SHANK2: variants seen among roughly 807,000 people sequenced by gnomAD.
SHANK2 encodes SH3 and multiple ankyrin repeat domains 2, also known as SH3 and multiple ankyrin repeat domains protein 2.
In SHANK2, 43 loss-of-function variants were observed where a neutral mutation model predicts 133.7. The observed-to-expected ratio is 0.32, with a 90% CI of 0.25 to 0.41. The LOEUF is 0.41. Among genes scored for constraint, SHANK2 ranks in the 10% least tolerant of loss-of-function variants. The pLI is 1.00. For synonymous variants in SHANK2, 1,017 were observed against 952.8 expected (o/e 1.07, Z -1.24); for missense variants, 1,994 against 2,235.8 (o/e 0.89, Z 2.18).
intron 14 of SHANK2, among the ~76,000 whole-genome samples, chr11:70,795,249 A>T (rs920806216): frequency 6.6e-6 from 1 of 152,060 alleles, no homozygotes; most frequent in Non-Finnish European, 1.5e-5. Flanking sequence ...CCAGGTCCTA[A>T]TCCCTAGAAC....
chr11:70,802,468 C>A (rs1327801370), intron 13 of SHANK2, among the ~76,000 whole-genome samples: 3 of 152,214 alleles, frequency 2.0e-5, no homozygotes, highest in Admixed American at 2.0e-4. Flanking sequence ...GGTACAGAAA[C>A]CTGCCAGGTC....
intron 3 of SHANK2, among the ~76,000 whole-genome samples, chr11:71,133,235 T>TG (rs1555104000): frequency 5.7e-5 from 8 of 141,008 alleles, no homozygotes; most frequent in Non-Finnish European, 7.7e-5. Flanking sequence ...GATGCACAGA[T>TG]GAATGGATGG....
intron 11 of SHANK2, among the ~76,000 whole-genome samples, chr11:70,852,220 G>T (rs887656325): frequency 3.0e-4 from 45 of 152,218 alleles, no homozygotes; most frequent in African/African-American, 9.6e-5. Context: ...CAAAGCATTT[G>T]CACAGTGCCA....
chr11:70,513,586 G>A (rs2059230950), intron 17 of SHANK2, among the ~76,000 whole-genome samples: 1 of 152,220 alleles, frequency 6.6e-6, no homozygotes, highest in African/African-American at 2.4e-5. Flanking sequence ...AGATGACCCA[G>A]ATGTTGGAAT....
chr11:70,797,665 C>T (rs370523208), intron 14 of SHANK2, among the ~76,000 whole-genome samples: 3 of 152,308 alleles, frequency 2.0e-5, no homozygotes, highest in South Asian at 2.1e-4. Flanking sequence ...AGCTCAGAGG[C>T]GGCAGGCTCC....
chr11:70,720,159 A>AC (rs1555028605), intron 14 of SHANK2, among the ~76,000 whole-genome samples: 1 of 152,042 alleles, frequency 6.6e-6, no homozygotes, highest in African/African-American at 2.4e-5. Context: ...ACACAGCTGC[A>AC]CCCCCAGGGC....
intron 10 of SHANK2, among the ~76,000 whole-genome samples, chr11:70,953,209 G>C (rs1950870652): frequency 6.6e-6 from 1 of 152,082 alleles, no homozygotes. Flanking sequence ...CGGGCCATGG[G>C]GGTGGATCCC....
chr11:70,946,401 C>A (rs1384851871), intron 10 of SHANK2, among the ~76,000 whole-genome samples: 8 of 137,076 alleles, frequency 5.8e-5, no homozygotes, highest in Non-Finnish European at 1.3e-4. Flanking sequence ...ACCAACCCTT[C>A]CCCAGGTTCA....
intron 14 of SHANK2, chr11:70,705,642 T>C (rs781798706): frequency 5.9e-5 from 9 of 152,218 alleles, no homozygotes; most frequent in Non-Finnish European, 1.5e-5. Flanking sequence ...GAGGGAAGTA[T>C]TGACTTGTCT....
At chr11:70,483,930 G>C (rs1158163675) in intron 25 of SHANK2, among the ~76,000 whole-genome samples, 3 of 152,124 alleles carry the variant, frequency 2.0e-5, no homozygotes, top group Non-Finnish European at 1.5e-5. Context: ...GGGAAAATTG[G>C]GGCTCTCAGT....
intron 11 of SHANK2, among the ~76,000 whole-genome samples, chr11:70,875,349 G>A (rs1008678627): frequency 4.0e-5 from 6 of 151,366 alleles, no homozygotes; most frequent in East Asian, 1.9e-4. Flanking sequence ...GTGAAACCCC[G>A]TCTCTACTAA....
intron 17 of SHANK2, among the ~76,000 whole-genome samples, chr11:70,509,249 G>A (rs2059170226): frequency 6.6e-6 from 1 of 152,230 alleles, no homozygotes; most frequent in African/African-American, 2.4e-5. Flanking sequence ...TGCCCACTGA[G>A]GCTCACCTGC....
At chr11:70,578,920 C>T (rs782692278) in intron 17 of SHANK2, among the ~76,000 whole-genome samples, 2 of 152,204 alleles carry the variant, frequency 1.3e-5, no homozygotes, top group African/African-American at 2.4e-5. Context: ...ACAGGATGGG[C>T]GGCCTCCCCT....
intron 10 of SHANK2, among the ~76,000 whole-genome samples, chr11:70,914,018 T>C (rs1289827932): frequency 6.6e-6 from 1 of 152,142 alleles, no homozygotes; most frequent in Admixed American, 6.5e-5. Context: ...CACTTTTGGA[T>C]TTAGCATATT....
At chr11:70,684,614 G>A (rs911075867) in intron 15 of SHANK2, among the ~76,000 whole-genome samples, 3 of 152,160 alleles carry the variant, frequency 2.0e-5, no homozygotes, top group East Asian at 1.9e-4. Context: ...AGGAGAATCC[G>A]GTTTGGTATC....
chr11:70,614,011 C>T (rs1402980425), intron 17 of SHANK2, among the ~76,000 whole-genome samples: 6 of 152,116 alleles, frequency 3.9e-5, no homozygotes, highest in Non-Finnish European at 5.9e-5. Context: ...ATTATCTGCC[C>T]ACTTCTGCCT....
chr11:70,600,368 G>A (rs1404580253), intron 17 of SHANK2, among the ~76,000 whole-genome samples: 3 of 141,484 alleles, frequency 2.1e-5, no homozygotes, highest in African/African-American at 8.0e-5. Context: ...TCAGTGAGCC[G>A]AGATTGCGCC....
In SHANK2 at chr11:70,485,912, C is replaced by G. The variant is rs782622458; in HGVS notation, c.4381G>C (p.Asp1461His). The part of the protein sequence containing the change: ...LNSSQPTNSA[D>H]SKKPASLSNC... The stretch of plus-strand genomic sequence containing the variant: ...GAAAGACTGGCTGGCTTCTTGCTGT[C>G]TGCAGAGTTGGTTGGTTGGCTGGAG... Residue 1461 changes from aspartate (D) to histidine (H), a missense_variant, in exon 25 of 26, where the codon GAC (aspartate) becomes CAC (histidine). By Grantham distance (81) the Asp-to-His change is moderately conservative. Transcript: ENST00000601538. The surrounding 1 kb of genome is among the most constrained non-coding windows in gnomAD (Gnocchi z 5.8). 6.2e-7 allele frequency: 1 copy of G among 1,614,086 alleles called. No homozygotes were observed. Among genetic ancestry groups the G allele is most frequent in the Non-Finnish European group, 8.5e-7 (1 of 1,180,022 alleles).
chr11:70,907,820 G>A (rs1449067775), intron 10 of SHANK2: 3 of 443,778 alleles, frequency 6.8e-6, no homozygotes, highest in African/African-American at 6.0e-5. Context: ...TAATAGACTG[G>A]GTCAGACATG....
Sources: gnomAD v4.1 joint callset for allele counts (sites outside exome capture counted in the v4.1 genomes callset) on GRCh38, gnomAD v4.1.1 for gene constraint, Gnocchi (gnomAD v3.1) non-coding constraint, MANE v1.5 for transcripts, NCBI Gene and HGNC (gene_info 2026-07-23, HGNC 2026-07-21) for gene names.